PCDH15: variants seen among roughly 807,000 people sequenced by gnomAD.
PCDH15 encodes the protein protocadherin-15.
Under a neutral mutation model 178.5 loss-of-function variants are expected in PCDH15, and 129 were observed. That is an observed-to-expected ratio of 0.72 (90% CI 0.63 to 0.84). The LOEUF (loss-of-function observed/expected upper bound fraction) is 0.84. Ranked by LOEUF, PCDH15 falls within the 40% of genes least tolerant of loss-of-function variation. The pLI is 0.00. For missense variants in PCDH15, 2,230 were observed against 2,099.9 expected (o/e 1.06, Z -1.21); for synonymous variants, 800 against 732.0 (o/e 1.09, Z -1.50).
At chr10:54,800,803 G>A (rs537562525) in intron 1 of PCDH15, 122 bp downstream of exon 1, 1 of 152,138 alleles carries the variant, frequency 6.6e-6, no homozygotes, top group African/African-American at 2.4e-5. Flanking sequence ...CTTTCAACAA[G>A]CATGACAGAA....
At chr10:54,692,934 C>T (rs557159283) in intron 1 of PCDH15, among the ~76,000 whole-genome samples, 2 of 152,090 alleles carry the variant, frequency 1.3e-5, no homozygotes, top group African/African-American at 4.8e-5. Context: ...AACAACAAAA[C>T]AGGATACAGG....
At chr10:54,350,525 A>C (rs1944000819) in intron 5 of PCDH15, among the ~76,000 whole-genome samples, 1 of 152,206 alleles carries the variant, frequency 6.6e-6, no homozygotes, top group South Asian at 2.1e-4. Flanking sequence ...CACATATGAG[A>C]TAGGGTTGAG....
At chr10:54,732,128 A>G (rs1414555766) in intron 1 of PCDH15, among the ~76,000 whole-genome samples, 1 of 151,432 alleles carries the variant, frequency 6.6e-6, no homozygotes, top group African/African-American at 2.4e-5. Flanking sequence ...TATACCAACA[A>G]TGCTGTGAAT....
At chr10:55,200,519 A>G (rs1840215530) in intron 1 of PCDH15, among the ~76,000 whole-genome samples, 1 of 152,010 alleles carries the variant, frequency 6.6e-6, no homozygotes, top group Non-Finnish European at 1.5e-5. Context: ...TTGGACTTGG[A>G]CTTTTGAGTT....
At chr10:54,671,057 A>G (rs2094658188) in intron 1 of PCDH15, among the ~76,000 whole-genome samples, 1 of 152,134 alleles carries the variant, frequency 6.6e-6, no homozygotes, top group Admixed American at 6.6e-5. Context: ...AGTCATGGGA[A>G]AAAGCTTAGT....
chr10:55,390,591 ATTTAC>A (rs1837769591), intron 2 of PCDH15, among the ~76,000 whole-genome samples: 1 of 152,184 alleles, frequency 6.6e-6, no homozygotes, highest in Non-Finnish European at 1.5e-5. Flanking sequence ...AACGTTTTCA[ATTTAC>A]TTTACCCAGA....
chr10:55,299,299 A>C (rs912872817), intron 1 of PCDH15, among the ~76,000 whole-genome samples: 1 of 152,194 alleles, frequency 6.6e-6, no homozygotes, highest in Non-Finnish European at 1.5e-5. Context: ...TTCAAAGCAC[A>C]GCAAATGCAA....
intron 21 of PCDH15, among the ~76,000 whole-genome samples, chr10:53,971,910 A>C (rs2089726633): frequency 6.6e-6 from 1 of 152,124 alleles, no homozygotes; most frequent in Non-Finnish European, 1.5e-5. Context: ...GCTACCAATG[A>C]CTTTCTTCAC....
At chr10:55,484,529 A>C (rs1278879533) in intron 2 of PCDH15, among the ~76,000 whole-genome samples, 2 of 151,764 alleles carry the variant, frequency 1.3e-5, no homozygotes, top group Non-Finnish European at 2.9e-5. Flanking sequence ...ATTATTCATA[A>C]AAATGGAAAA....
chr10:54,215,027 T>C (rs965957254), intron 9 of PCDH15, among the ~76,000 whole-genome samples: 5 of 152,224 alleles, frequency 3.3e-5, no homozygotes, highest in Non-Finnish European at 7.3e-5. Flanking sequence ...TAAAATTGTA[T>C]AGTATATACA....
intron 26 of PCDH15, among the ~76,000 whole-genome samples, chr10:53,877,626 T>G (rs2080341877): frequency 6.6e-6 from 1 of 152,202 alleles, no homozygotes; most frequent in South Asian, 2.1e-4. Context: ...AGCTGCTGCT[T>G]CTTGGCTCCC....
intron 3 of PCDH15, among the ~76,000 whole-genome samples, chr10:54,421,912 CTATATATATAT>C (rs1955532870): frequency 1.0e-5 from 1 of 99,016 alleles, no homozygotes; most frequent in Admixed American, 1.0e-4. Context: ...TATATATACA[CTATATATATAT>C]ATACACTATA....
chr10:55,148,553 T>C (rs1040365002), intron 2 of PCDH15, among the ~76,000 whole-genome samples: 1 of 151,896 alleles, frequency 6.6e-6, no homozygotes, highest in Non-Finnish European at 1.5e-5. Context: ...ATCCACCCCA[T>C]GATTTCATCG....
At chr10:53,813,244 C>T (rs906042688) in intron 35 of PCDH15, among the ~76,000 whole-genome samples, 14 of 152,124 alleles carry the variant, frequency 9.2e-5, no homozygotes, top group Non-Finnish European at 2.1e-4. Context: ...TGAAATCTGT[C>T]ATCTGCTATT....
chr10:53,841,559 G>C (rs1433191667), intron 28 of PCDH15, among the ~76,000 whole-genome samples: 1 of 152,120 alleles, frequency 6.6e-6, no homozygotes, highest in Non-Finnish European at 1.5e-5. Context: ...AAACTTTGGA[G>C]GAAATGGCTC....
intron 2 of PCDH15, among the ~76,000 whole-genome samples, chr10:54,935,892 ATAT>A (rs1276453939): frequency 1.3e-5 from 2 of 152,130 alleles, no homozygotes; most frequent in Non-Finnish European, 2.9e-5. Flanking sequence ...ATTTATTGAT[ATAT>A]AACTCACTAT....
In PCDH15 at chr10:53,916,667, A is replaced by T. The variant is rs372929182; in HGVS notation, c.3374-13297T>A. The stretch of plus-strand genomic sequence containing the variant: ...GTTGTAATCTGGGCAATAAAACTTT[A>T]AGCATAAACTTTGGAAGCAGAGCCT... On this transcript the variant is annotated intron_variant, in intron 25 of 37. Transcript: ENST00000644397. Among the ~76,000 whole-genome samples the T allele has an allele frequency of 8.5e-5, 13 of 152,310 alleles. No homozygotes were observed. In the South Asian group the frequency reaches 1.7e-3, roughly 19 times the overall value.
intron 1 of PCDH15, among the ~76,000 whole-genome samples, chr10:54,783,775 A>T (rs1007588739): frequency 2.2e-4 from 34 of 152,160 alleles, no homozygotes; most frequent in Non-Finnish European, 1.2e-4. Flanking sequence ...AATAAGAGAG[A>T]CAAAAAGCCA....
chr10:54,086,024 G>A (rs1398507849), intron 16 of PCDH15, among the ~76,000 whole-genome samples: 1 of 152,074 alleles, frequency 6.6e-6, no homozygotes, highest in Non-Finnish European at 1.5e-5. Flanking sequence ...GTAGAACATT[G>A]TTTATTTTTT....
Sources: gnomAD v4.1 joint callset for allele counts (sites outside exome capture counted in the v4.1 genomes callset) on GRCh38, gnomAD v4.1.1 for gene constraint, MANE v1.5 for transcripts, NCBI Gene and HGNC (gene_info 2026-07-23, HGNC 2026-07-21) for gene names.